Variants in NFIX observed in about 807,000 individuals in gnomAD.
The protein encoded by NFIX is nuclear factor 1 X-type.
A neutral mutation model predicts 53.3 loss-of-function variants in NFIX; 2 were observed. The ratio of observed to expected loss-of-function variants is 0.04; its 90% confidence interval spans 0.02 to 0.12. The LOEUF is 0.12. NFIX is among the 10% of genes least tolerant of loss of function. The pLI is 1.00. For missense variants in NFIX, 310 were observed against 674.5 expected, an observed-to-expected ratio of 0.46 and a Z score of 5.99; for synonymous variants, 244 against 289.0, an observed-to-expected ratio of 0.84 and a Z score of 1.58.
At position 13,051,930 on chromosome 19, in the gene NFIX, C is replaced by T. The variant is rs1568294903; in HGVS notation, c.560-21117C>T. ...AGGCGCCGCCTCCTCCTCACAGCGC[C>T]CGCCTTCTCCGCTCCGGCTTCATGC... is the stretch of plus-strand genomic sequence containing the variant. On this transcript the variant is annotated intron_variant, in intron 2 of 10. Transcript: ENST00000592199. The surrounding 1 kb of genome is among the most constrained non-coding windows in gnomAD (Gnocchi z 5.1). 6.6e-6 allele frequency among the ~76,000 whole-genome samples: 1 copy of T among 152,228 alleles called. No homozygotes were observed. Among genetic ancestry groups the T allele is most frequent in the East Asian group, 1.9e-4 (1 of 5,194 alleles).
rs1332457440 is a variant in NFIX at position 13,027,580 on chromosome 19, T to C, written c.559+2028T>C. Among the ~76,000 whole-genome samples, 2 of 152,182 alleles carry C rather than the reference T, an allele frequency of 1.3e-5. No individual in the cohort carries two copies. The highest frequency in any genetic ancestry group is 2.9e-5 in the Non-Finnish European group (2 of 68,030). ...CTCATCTTCCTCTGAGCTGGCTTCC[T>C]CCAACCCCGCTCTCTGACTGGATCC... is the stretch of plus-strand genomic sequence containing the variant. On this transcript the variant is annotated intron_variant, in intron 2 of 10. Coordinates refer to ENST00000592199, the MANE Select transcript of NFIX (RefSeq NM_001365902.3). The surrounding 1 kb of genome is among the most constrained non-coding windows in gnomAD (Gnocchi z 4.3).
At chr19:13,079,437 C>T (rs996661705) in intron 7 of NFIX, among the ~76,000 whole-genome samples, 1 of 152,236 alleles carries the variant, frequency 6.6e-6, no homozygotes, top group African/African-American at 2.4e-5. Context: ...GCTGTGGGAG[C>T]TGAGACCTCA....
rs769907353 is a variant in NFIX, at chr19:13,028,990, G to A, written c.559+3438G>A. ...AATACTTGAGCGAATGGAACTGTCA[G>A]CGTCACCCTGTCAGATCCCTCCTGT... is the stretch of plus-strand genomic sequence containing the variant. On this transcript the variant is annotated intron_variant, in intron 2 of 10. Transcript: ENST00000592199. The surrounding 1 kb of genome is among the most constrained non-coding windows in gnomAD (Gnocchi z 4.2). 2.0e-5 allele frequency among the ~76,000 whole-genome samples: 3 copies of A among 152,184 alleles called. No homozygotes were observed. The highest frequency in any genetic ancestry group is 4.4e-5 in the Non-Finnish European group (3 of 68,026).
chr19:13,001,422 G>A lies in NFIX; in HGVS notation c.27+5558G>A, dbSNP rs2011688025. On this transcript the variant is annotated intron_variant, in intron 1 of 10. Coordinates refer to ENST00000592199, the MANE Select transcript of NFIX (RefSeq NM_001365902.3). The surrounding 1 kb of genome is among the most constrained non-coding windows in gnomAD (Gnocchi z 6.5). ...GGGGTCGGGGAGCGTGCCACCATGCGTGTCAGTGTGCCGGATGTAGTCTCT... is the reference window on the plus strand; with the variant it reads ...GGGGTCGGGGAGCGTGCCACCATGCATGTCAGTGTGCCGGATGTAGTCTCT... 6.6e-6 allele frequency among the ~76,000 whole-genome samples: 1 copy of A among 152,020 alleles called. No individual in the cohort carries two copies. The highest frequency in any genetic ancestry group is 1.5e-5 in the Non-Finnish European group (1 of 68,028).
chr19:13,097,176 G>C lies in NFIX; in HGVS notation c.*2527G>C, dbSNP rs980614604. 17 of 148,952 alleles carry C rather than the reference G, an allele frequency of 1.1e-4. No homozygotes were observed. The highest frequency in any genetic ancestry group is 4.2e-4 in the African/African-American group (17 of 40,450). The allele number at this position is 148,952 out of a possible 1,614,324, so 9.2% of individuals were successfully genotyped here. On this transcript the variant is annotated 3_prime_UTR_variant, in exon 11 of 11. Coordinates refer to ENST00000592199, the MANE Select transcript of NFIX (RefSeq NM_001365902.3). ...AGCTGAGTGTTTTTCCCTTTTTTTTGTTCGTTTTTAGTTTTTTTTTTTTTA... is the reference window on the plus strand; with the variant it reads ...AGCTGAGTGTTTTTCCCTTTTTTTTCTTCGTTTTTAGTTTTTTTTTTTTTA...
rs1392783384 is a variant in NFIX, at chr19:13,051,831, C to T, written c.560-21216C>T. ...GTTAAAGAAACACAACCCGCCGCTG[C>T]CGCCTTAGCAGGTGCCTGGAGGGGG... On this transcript the variant is annotated intron_variant, in intron 2 of 10. Transcript: ENST00000592199. This position sits in a 1 kb window ranked among gnomAD's most constrained non-coding sequence, Gnocchi z 5.1. 6.6e-6 allele frequency among the ~76,000 whole-genome samples: 1 copy of T among 152,248 alleles called. No homozygotes were observed. Among genetic ancestry groups the T allele is most frequent in the Non-Finnish European group, 1.5e-5 (1 of 68,042 alleles).
rs959863661 is a variant in NFIX at position 13,067,464 on chromosome 19, G to A, written c.560-5583G>A. Among the ~76,000 whole-genome samples the A allele has an allele frequency of 3.8e-5, 4 of 105,048 alleles. No individual in the cohort carries two copies. Among genetic ancestry groups the A allele is most frequent in the Admixed American group, 9.9e-5 (1 of 10,070 alleles). The allele number at this position is 105,048 out of a possible 152,430, so 68.9% of individuals were successfully genotyped here. On this transcript the variant is annotated intron_variant, in intron 2 of 10. Coordinates refer to ENST00000592199, the MANE Select transcript of NFIX (RefSeq NM_001365902.3). The surrounding 1 kb of genome is among the most constrained non-coding windows in gnomAD (Gnocchi z 4.2). The stretch of plus-strand genomic sequence containing the variant: ...GTGGCACCTCCGTGTGTGTGCGCGC[G>A]TGTGTGTGTGTGTGTGTGCGTGTGT...
In NFIX at chr19:13,002,720, A is replaced by G. The variant is rs2011781397; in HGVS notation, c.27+6856A>G. ...CGCCAGCCAGGGAGGGGAGGCGGGT[A>G]GCGGGCACTGCGGCGCTCTGCAGCC... On this transcript the variant is annotated intron_variant, in intron 1 of 10. Coordinates refer to ENST00000592199, the MANE Select transcript of NFIX (RefSeq NM_001365902.3). The surrounding 1 kb of genome is among the most constrained non-coding windows in gnomAD (Gnocchi z 6.1). Among the ~76,000 whole-genome samples, 1 of 152,132 alleles carries G rather than the reference A, an allele frequency of 6.6e-6. No homozygotes were observed. Among genetic ancestry groups the G allele is most frequent in the African/African-American group, 2.4e-5 (1 of 41,426 alleles).
In NFIX at chr19:13,073,402, T is replaced by C. The variant is rs1351850860; in HGVS notation, c.623-20T>C. On this transcript the variant is annotated intron_variant, in intron 3 of 10. Transcript: ENST00000592199. The surrounding 1 kb of genome is among the most constrained non-coding windows in gnomAD (Gnocchi z 4.5). ...CCCTTCTGGCCTTGTCTTGACTCAC[T>C]CATCCTTTCCCCTCTTCAGGGCACT... 6.2e-7 allele frequency: 1 copy of C among 1,609,734 alleles called. No individual in the cohort carries two copies.
intron 8 of NFIX, among the ~76,000 whole-genome samples, chr19:13,084,746 G>A (rs1189312063): frequency 6.6e-6 from 1 of 152,152 alleles, no homozygotes; most frequent in African/African-American, 2.4e-5. Context: ...TGTCTGAACA[G>A]CCAGGCCCAC....
intron 2 of NFIX, among the ~76,000 whole-genome samples, chr19:13,044,094 C>T (rs1414727956): frequency 6.6e-6 from 1 of 152,212 alleles, no homozygotes; most frequent in Admixed American, 6.5e-5. Flanking sequence ...TGTGATACTC[C>T]ACCTTACCCA....
Position 13,090,529 on chromosome 19 carries a change from A to C in NFIX, c.1494+139A>C. 1 of 816,530 alleles carries C rather than the reference A, an allele frequency of 1.2e-6. No individual in the cohort carries two copies. Among genetic ancestry groups the C allele is most frequent in the East Asian group, 2.6e-5 (1 of 38,438 alleles). 50.6% of individuals were successfully genotyped at this position (816,530 alleles called of 1,614,324 possible). A position where few individuals can be genotyped will look rare whatever the true frequency, so the allele number is the denominator to read the frequency against. On this transcript the variant is annotated intron_variant, in intron 10 of 10. Coordinates refer to ENST00000592199, the MANE Select transcript of NFIX (RefSeq NM_001365902.3). The surrounding 1 kb of genome is among the most constrained non-coding windows in gnomAD (Gnocchi z 6.6). ...GGTCTGAGGTGGGGCTGGAGGGCCC[A>C]GGCTTTTGCACGCCCAGCTGAGCCT...
At position 13,094,794 on chromosome 19, in the gene NFIX, C is replaced by T. The variant is rs760655609; in HGVS notation, c.*145C>T. On this transcript the variant is annotated 3_prime_UTR_variant, in exon 11 of 11. Transcript: ENST00000592199. This position sits in a 1 kb window ranked among gnomAD's most constrained non-coding sequence, Gnocchi z 4.3. ...ACACGTCGTCAGCCACTCAGCCCTT[C>T]TCTCCTCCAGCCCGGGGACCCCCGC... 1 of 854,362 alleles carries T rather than the reference C, an allele frequency of 1.2e-6. No homozygotes were observed. The highest frequency in any genetic ancestry group is 1.8e-6 in the Non-Finnish European group (1 of 551,950). 52.9% of individuals were successfully genotyped at this position (854,362 alleles called of 1,614,324 possible).
At chr19:13,054,603 G>A (rs1311995426) in intron 2 of NFIX, among the ~76,000 whole-genome samples, 3 of 152,066 alleles carry the variant, frequency 2.0e-5, no homozygotes, top group Non-Finnish European at 4.4e-5. Context: ...TCCAAGAGTC[G>A]GAGCTGGGTC....
intron 6 of NFIX, among the ~76,000 whole-genome samples, chr19:13,077,248 T>C (rs375906043): frequency 4.6e-5 from 7 of 152,264 alleles, no homozygotes; most frequent in African/African-American, 1.7e-4. Context: ...GCTCTCTCCT[T>C]TCTTGGCTGT....
intron 2 of NFIX, among the ~76,000 whole-genome samples, chr19:13,032,875 G>A (rs1024440914): frequency 2.6e-5 from 4 of 152,166 alleles, no homozygotes; most frequent in Non-Finnish European, 5.9e-5. Context: ...ATGTGGGCAC[G>A]TCCCTATATC....
At chr19:13,046,435 C>T (rs1015769324) in intron 2 of NFIX, among the ~76,000 whole-genome samples, 2 of 152,106 alleles carry the variant, frequency 1.3e-5, no homozygotes, top group East Asian at 1.9e-4. Flanking sequence ...CGTTTCACAC[C>T]GAGTCCCTAA....
rs547684989 is a variant in NFIX at position 13,068,217 on chromosome 19, A to G, written c.560-4830A>G. On this transcript the variant is annotated intron_variant, in intron 2 of 10. Transcript: ENST00000592199. The surrounding 1 kb of genome is among the most constrained non-coding windows in gnomAD (Gnocchi z 4.2). ...AGCTTCCCCTCCAGAGCTCTACTGA[A>G]GAGGCAGTGTCCTCTTGGAAACACG... 2.6e-5 allele frequency among the ~76,000 whole-genome samples: 4 copies of G among 152,286 alleles called. No homozygotes were observed. The highest frequency in any genetic ancestry group is 9.6e-5 in the African/African-American group (4 of 41,556).
At chr19:13,039,788 T>C (rs558480916) in intron 2 of NFIX, among the ~76,000 whole-genome samples, 6 of 152,348 alleles carry the variant, frequency 3.9e-5, no homozygotes, top group African/African-American at 1.4e-4. Flanking sequence ...TATCCGCCTT[T>C]GCATCTGTCT....
Sources: allele counts gnomAD v4.1 joint callset (sites outside exome capture counted in the v4.1 genomes callset), GRCh38; gene constraint gnomAD v4.1.1; non-coding constraint Gnocchi (gnomAD v3.1); transcripts MANE v1.5; gene names NCBI Gene and HGNC (gene_info 2026-07-23, HGNC 2026-07-21).